Variants in MEIS2 observed in about 807,000 individuals in gnomAD.
The protein encoded by MEIS2 is homeobox protein Meis2.
A neutral mutation model predicts 58.6 loss-of-function variants in MEIS2; 9 were observed. The ratio of observed to expected loss-of-function variants is 0.15; its 90% CI spans 0.09 to 0.27. The LOEUF (loss-of-function observed/expected upper bound fraction) is 0.27, where lower values mean the gene tolerates loss of function less well. Among genes scored for constraint, MEIS2 ranks in the 10% least tolerant of loss-of-function variants. The pLI is 1.00. For synonymous variants in MEIS2, 221 were observed against 228.4 expected, an observed-to-expected ratio of 0.97 and a Z score of 0.29; for missense variants, 427 against 635.0, an observed-to-expected ratio of 0.67 and a Z score of 3.52.
At chr15:36,918,132 A>G (rs2057357129) in intron 9 of MEIS2, among the ~76,000 whole-genome samples, 1 of 152,248 alleles carries the variant, frequency 6.6e-6, no homozygotes, top group Non-Finnish European at 1.5e-5. Flanking sequence ...GTCAAATAAA[A>G]AAAGCACTAA....
At chr15:37,094,113 C>T (rs61486969) in intron 5 of MEIS2, 3 of 257,448 alleles carry the variant, frequency 1.2e-5, no homozygotes, top group African/African-American at 2.2e-5. Context: ...CTAGGGGTTT[C>T]GTATGTTTCC....
At chr15:37,050,931 C>A (rs2037959042) in intron 7 of MEIS2, 1 of 152,176 alleles carries the variant, frequency 6.6e-6, no homozygotes, top group Admixed American at 6.5e-5. Flanking sequence ...TGGACCAGCC[C>A]CAGATCTATT....
At chr15:37,016,081 T>C (rs1407740091) in intron 8 of MEIS2, among the ~76,000 whole-genome samples, 3 of 152,146 alleles carry the variant, frequency 2.0e-5, no homozygotes, top group Admixed American at 6.5e-5. Flanking sequence ...TTGATTTTAT[T>C]TGGAGAAAAA....
At chr15:36,922,494 G>A (rs1567056367) in intron 9 of MEIS2, among the ~76,000 whole-genome samples, 4 of 151,142 alleles carry the variant, frequency 2.6e-5, no homozygotes, top group South Asian at 4.2e-4. Flanking sequence ...TACATTTTAC[G>A]GGAGTTCATC....
At chr15:37,015,894 T>G (rs1309976172) in intron 8 of MEIS2, among the ~76,000 whole-genome samples, 1 of 152,104 alleles carries the variant, frequency 6.6e-6, no homozygotes, top group Admixed American at 6.6e-5. Flanking sequence ...AGGAGATGTG[T>G]ATATCCTTTC....
chr15:36,933,059 T>C (rs1401191851), intron 9 of MEIS2, among the ~76,000 whole-genome samples: 1 of 152,010 alleles, frequency 6.6e-6, no homozygotes, highest in Non-Finnish European at 1.5e-5. Context: ...GCACCCACAG[T>C]GGACAATTTT....
At chr15:36,998,892 G>A (rs73391600) in intron 8 of MEIS2, among the ~76,000 whole-genome samples, 9,207 of 152,214 alleles carry the variant, frequency 0.06, 931 homozygotes, top group African/African-American at 0.21. Context: ...CACTCCAAGT[G>A]CTGGCTGAAA....
intron 9 of MEIS2, among the ~76,000 whole-genome samples, chr15:36,926,224 G>A (rs1273605374): frequency 1.3e-5 from 2 of 150,652 alleles, no homozygotes; most frequent in African/African-American, 2.4e-5. Flanking sequence ...AACACCTACT[G>A]CATACAACAT....
At chr15:37,091,873 T>C (rs1354312296) in intron 6 of MEIS2, among the ~76,000 whole-genome samples, 4 of 152,062 alleles carry the variant, frequency 2.6e-5, no homozygotes, top group Admixed American at 2.6e-4. Flanking sequence ...TTACAAACCA[T>C]GTAAATAGAT....
At chr15:36,913,292 T>A (rs2057129442) in intron 9 of MEIS2, among the ~76,000 whole-genome samples, 1 of 152,222 alleles carries the variant, frequency 6.6e-6, no homozygotes, top group Non-Finnish European at 1.5e-5. Flanking sequence ...TTTTATATTT[T>A]AAAAAATTAA....
Position 37,099,663 on chromosome 15 carries a change from T to A in MEIS2, c.-197A>T, listed in dbSNP as rs1182756555. ...CGAAGAATTTTTTTTTCTGTGATATTTCTTCTTTTTCTCTTTTTTCCTCTT... is the reference window on the plus strand; with the variant it reads ...CGAAGAATTTTTTTTTCTGTGATATATCTTCTTTTTCTCTTTTTTCCTCTT... On this transcript the variant is annotated 5_prime_UTR_variant, in exon 1 of 12. Coordinates refer to ENST00000561208, the MANE Select transcript of MEIS2 (RefSeq NM_170675.5). 1 of 640,048 alleles carries A rather than the reference T, an allele frequency of 1.6e-6. No individual in the cohort carries two copies. The highest frequency in any genetic ancestry group is 2.5e-6 in the Non-Finnish European group (1 of 397,254). 39.6% of individuals were successfully genotyped at this position (640,048 alleles called of 1,614,324 possible).
chr15:36,921,481 C>G (rs978393208), intron 9 of MEIS2, among the ~76,000 whole-genome samples: 2 of 152,130 alleles, frequency 1.3e-5, no homozygotes, highest in African/African-American at 4.8e-5. Context: ...CTAGCATTTT[C>G]AAGGAAAAAC....
At chr15:37,017,912 G>C (rs2061402825) in intron 8 of MEIS2, among the ~76,000 whole-genome samples, 1 of 152,100 alleles carries the variant, frequency 6.6e-6, no homozygotes, top group African/African-American at 2.4e-5. Flanking sequence ...CAAATTATTA[G>C]GGAAATTTAA....
chr15:37,003,825 A>T (rs2060822785), intron 8 of MEIS2, among the ~76,000 whole-genome samples: 1 of 152,146 alleles, frequency 6.6e-6, no homozygotes, highest in African/African-American at 2.4e-5. Context: ...GCCTTTATAA[A>T]AGAGACCCTG....
At chr15:36,893,052 G>A (rs2055965793) in intron 11 of MEIS2, among the ~76,000 whole-genome samples, 2 of 152,198 alleles carry the variant, frequency 1.3e-5, no homozygotes, top group Non-Finnish European at 2.9e-5. Context: ...AGAAGTCAAT[G>A]TGAGGTCATA....
chr15:37,051,790 A>G (rs1275947943), intron 7 of MEIS2, among the ~76,000 whole-genome samples: 1 of 152,196 alleles, frequency 6.6e-6, no homozygotes, highest in Non-Finnish European at 1.5e-5. Flanking sequence ...TTGGGGCAGC[A>G]TTTGAAAGAA....
intron 8 of MEIS2, among the ~76,000 whole-genome samples, chr15:37,011,044 A>G (rs961606153): frequency 6.6e-6 from 1 of 152,226 alleles, no homozygotes; most frequent in Non-Finnish European, 1.5e-5. Flanking sequence ...TTACGAAGAC[A>G]TGACAGGGAA....
At chr15:37,014,683 G>A (rs2061282025) in intron 8 of MEIS2, among the ~76,000 whole-genome samples, 1 of 152,128 alleles carries the variant, frequency 6.6e-6, no homozygotes, top group African/African-American at 2.4e-5. Flanking sequence ...CTCAAGTTTG[G>A]TAACACAAAG....
chr15:36,892,454 G>A lies in MEIS2; in HGVS notation c.1153C>T (p.Gln385Ter). ...QHMGIRPAGL[Q>*]SMPGDYVSQG... ...GAAACGTAGTCCCCTGGCATGCTCT[G>A]CAAACCTGAAAATAGAGAGGGAAAA... Residue 385 changes from glutamine to a stop codon, truncating the protein, a stop_gained, in exon 12 of 12, where the codon CAG becomes TAG. Coordinates refer to ENST00000561208, the MANE Select transcript of MEIS2 (RefSeq NM_170675.5). LOFTEE classifies it high-confidence loss of function. The A allele has an allele frequency of 1.2e-6, 2 of 1,609,208 alleles. No individual in the cohort carries two copies. The highest frequency in any genetic ancestry group is 1.7e-6 in the Non-Finnish European group (2 of 1,178,444).
Sources: gnomAD v4.1 joint callset for allele counts (sites outside exome capture counted in the v4.1 genomes callset) on GRCh38, gnomAD v4.1.1 for gene constraint, MANE v1.5 for transcripts, NCBI Gene and HGNC (gene_info 2026-07-23, HGNC 2026-07-21) for gene names.